IQSEC1: variants seen among roughly 807,000 people sequenced by gnomAD.
IQSEC1 encodes the protein IQ motif and Sec7 domain ArfGEF 1.
In IQSEC1, 31 loss-of-function variants were observed where a neutral mutation model predicts 91.0. The observed-to-expected ratio is 0.34, with a 90% confidence interval of 0.26 to 0.46. The LOEUF is 0.46. IQSEC1 is among the 20% of genes least tolerant of loss of function. IQSEC1 has a pLI of 1.00. For synonymous variants in IQSEC1, 699 were observed against 662.6 expected, an observed-to-expected ratio of 1.05 and a Z score of -0.84; for missense variants, 1,388 against 1,575.6, an observed-to-expected ratio of 0.88 and a Z score of 2.02.
chr3:12,950,120 C>G (rs1032315776), intron 1 of IQSEC1, among the ~76,000 whole-genome samples: 4 of 152,210 alleles, frequency 2.6e-5, no homozygotes, highest in Non-Finnish European at 5.9e-5. Context: ...CTGCAACAAG[C>G]CTGTCAAGAA....
intron 1 of IQSEC1, among the ~76,000 whole-genome samples, chr3:13,069,693 C>T (rs1705351223): frequency 6.6e-6 from 1 of 152,228 alleles, no homozygotes; most frequent in African/African-American, 2.4e-5. Context: ...CCACAAACTC[C>T]TCACAGCCTC....
chr3:12,939,313 G>C (rs1453822413), intron 2 of IQSEC1, among the ~76,000 whole-genome samples: 1 of 152,206 alleles, frequency 6.6e-6, no homozygotes, highest in East Asian at 1.9e-4. Flanking sequence ...GAGGAACCCG[G>C]AAGAATGCCC....
intron 1 of IQSEC1, among the ~76,000 whole-genome samples, chr3:13,072,327 C>T (rs147378490): frequency 6.6e-6 from 1 of 152,366 alleles, no homozygotes; most frequent in East Asian, 1.9e-4. Flanking sequence ...GCATTCGAAC[C>T]CCACTGCCCC....
At chr3:12,917,747 G>A (rs1352594614) in intron 6 of IQSEC1, among the ~76,000 whole-genome samples, 1 of 152,152 alleles carries the variant, frequency 6.6e-6, no homozygotes, top group Non-Finnish European at 1.5e-5. Flanking sequence ...CAGTTCTTTT[G>A]GGTAAATATC....
At chr3:13,072,410 G>A (rs916412948) in intron 1 of IQSEC1, among the ~76,000 whole-genome samples, 4 of 152,202 alleles carry the variant, frequency 2.6e-5, no homozygotes, top group African/African-American at 9.6e-5. Flanking sequence ...TCACCGCCCC[G>A]TGCAGACTTT....
intron 2 of IQSEC1, among the ~76,000 whole-genome samples, chr3:13,153,450 C>A (rs957785021): frequency 6.6e-6 from 1 of 151,996 alleles, no homozygotes; most frequent in South Asian, 2.1e-4. Flanking sequence ...CGGGGCTGAA[C>A]TAGGGATAGT....
At chr3:12,933,255 G>C (rs1413865269) in intron 3 of IQSEC1, among the ~76,000 whole-genome samples, 1 of 152,226 alleles carries the variant, frequency 6.6e-6, no homozygotes, top group Non-Finnish European at 1.5e-5. Context: ...CCAGCCATAT[G>C]ATCTAGAGGC....
At chr3:12,956,428 C>G (rs574510444) in intron 1 of IQSEC1, among the ~76,000 whole-genome samples, 54 of 152,326 alleles carry the variant, frequency 3.5e-4, no homozygotes, top group African/African-American at 1.3e-3. Flanking sequence ...TTCTGCTCCA[C>G]TGGGTCCTGT....
At position 13,062,631 on chromosome 3, in the gene IQSEC1, G is replaced by A. The variant is rs548773183; in HGVS notation, c.23+10361C>T. On this transcript the variant is annotated intron_variant, in intron 1 of 13. Coordinates refer to ENST00000613206, the MANE Select transcript of IQSEC1 (RefSeq NM_001134382.3). ...TGGCCTGACCTCTCTGCAGCCCAGA[G>A]ATGGCCAGGGGACAGACACCCGAAC... is the stretch of plus-strand genomic sequence containing the variant. Among the ~76,000 whole-genome samples, 7 of 152,292 alleles carry A rather than the reference G, an allele frequency of 4.6e-5. No individual in the cohort carries two copies. In the South Asian group the frequency reaches 1.2e-3, roughly 27 times the overall value.
intron 1 of IQSEC1, among the ~76,000 whole-genome samples, chr3:13,178,390 G>A (rs1693776834): frequency 6.6e-6 from 1 of 152,214 alleles, no homozygotes; most frequent in South Asian, 2.1e-4. Context: ...CAAGAGTGAG[G>A]ATGGGGCTCT....
At chr3:13,218,876 C>T (rs778217333) in intron 1 of IQSEC1, among the ~76,000 whole-genome samples, 1 of 152,146 alleles carries the variant, frequency 6.6e-6, no homozygotes, top group Non-Finnish European at 1.5e-5. Context: ...CCGGCCGCCA[C>T]CTCTACCCCC....
At position 12,936,399 on chromosome 3, in the gene IQSEC1, G is replaced by C. The variant is rs1309650381; in HGVS notation, c.617C>G (p.Pro206Arg). Reference sequence around the variant, plus strand: ...GGGGGCCGGAGACTTGAGGGTGGTGGGCTCGCTGAGGTCACCACACTCAGG... The same window carrying C: ...GGGGGCCGGAGACTTGAGGGTGGTGCGCTCGCTGAGGTCACCACACTCAGG... ...VSPECGDLSE[P>R]TTLKSPAPSS... is the part of the protein sequence containing the mutation. The change falls in exon 3 of 14, where the codon CCC (proline) becomes CGC (arginine). Residue 206 changes from proline to arginine, a missense_variant. Coordinates refer to ENST00000613206, the MANE Select transcript of IQSEC1 (RefSeq NM_001134382.3). 6 of 1,593,496 alleles carry C rather than the reference G, an allele frequency of 3.8e-6. No homozygotes were observed. Among genetic ancestry groups the C allele is most frequent in the Middle Eastern group, 1.7e-4 (1 of 5,976 alleles).
At chr3:13,053,899 C>A (rs573185442) in intron 1 of IQSEC1, among the ~76,000 whole-genome samples, 2 of 152,354 alleles carry the variant, frequency 1.3e-5, no homozygotes, top group African/African-American at 2.4e-5. Flanking sequence ...ATCCACCATT[C>A]CAACTCCCTG....
intron 1 of IQSEC1, among the ~76,000 whole-genome samples, chr3:13,003,736 G>A (rs182652161): frequency 9.4e-4 from 143 of 152,320 alleles, no homozygotes; most frequent in African/African-American, 3.3e-3. Context: ...CAGGCGAAAT[G>A]TGACTTTTAA....
At chr3:13,182,149 C>G (rs112551508) in intron 1 of IQSEC1, among the ~76,000 whole-genome samples, 4,973 of 152,348 alleles carry the variant, frequency 0.033, 267 homozygotes, top group African/African-American at 0.11. Flanking sequence ...GGAATCCCCT[C>G]TAGTTCTCCC....
At chr3:13,081,367 C>T (rs931873663) in intron 2 of IQSEC1, among the ~76,000 whole-genome samples, 8 of 152,204 alleles carry the variant, frequency 5.3e-5, no homozygotes, top group Admixed American at 5.2e-4. Context: ...CTCCTAGGCT[C>T]AAGCAATCCT....
At chr3:13,204,671 A>C (rs1200255768) in intron 1 of IQSEC1, among the ~76,000 whole-genome samples, 2 of 152,198 alleles carry the variant, frequency 1.3e-5, no homozygotes, top group South Asian at 2.1e-4. Flanking sequence ...GGCGCTCAGA[A>C]GGGGCGGCTC....
rs183741067 is a variant in IQSEC1 at position 13,233,845 on chromosome 3, C to T, written c.272+48866G>A. ...TGCTCACATGTGGTATGGCCTTGGG[C>T]GGGGCACTTCCCCTCTCTGTGCCCT... On this transcript the variant is annotated intron_variant, in intron 1 of 15. Coordinates refer to the IQSEC1 transcript ENST00000648114. Among the ~76,000 whole-genome samples, 47 of 152,282 alleles carry T rather than the reference C, an allele frequency of 3.1e-4. 1 individual carries two copies. Among genetic ancestry groups the T allele is most frequent in the Admixed American group, 8.5e-4 (13 of 15,304 alleles).
chr3:13,086,594 C>T (rs1321533458), intron 2 of IQSEC1, among the ~76,000 whole-genome samples: 1 of 152,120 alleles, frequency 6.6e-6, no homozygotes, highest in Non-Finnish European at 1.5e-5. Flanking sequence ...CCACTGCACT[C>T]AGAACCGAAA....
Sources: allele counts gnomAD v4.1 joint callset (sites outside exome capture counted in the v4.1 genomes callset), GRCh38; gene constraint gnomAD v4.1.1; transcripts MANE v1.5; gene names NCBI Gene and HGNC (gene_info 2026-07-23, HGNC 2026-07-21).